The following GMPPA variants were observed in gnomAD, a reference collection of about 807,000 sequenced individuals.
GMPPA encodes the protein GDP-mannose pyrophosphorylase A, also known as mannose-1-phosphate guanylyltransferase regulatory subunit alpha.
A neutral mutation model predicts 58.6 loss-of-function variants in GMPPA; 46 were observed. That is an observed-to-expected ratio of 0.78 (90% confidence interval 0.62 to 1.00). The LOEUF (loss-of-function observed/expected upper bound fraction) is 1.00, where lower values mean the gene tolerates loss of function less well. Among genes scored for constraint, GMPPA ranks in the 50% least tolerant of loss-of-function variants. The pLI is 0.00. For missense variants in GMPPA, 468 were observed against 556.4 expected (o/e 0.84, Z 1.60); for synonymous variants, 211 against 214.9 (o/e 0.98, Z 0.16).
Position 219,504,142 on chromosome 2 carries a change from C to A in GMPPA, c.549C>A (p.Ile183=), listed in dbSNP as rs1014690130. 7 of 1,613,882 alleles carry A rather than the reference C, an allele frequency of 4.3e-6. No individual in the cohort carries two copies. The South Asian group carries it at 6.6e-5, about 15-fold the overall frequency. The change falls in exon 7 of 13, where the codon ATC becomes ATA. Residue 183 remains isoleucine, a synonymous_variant. Coordinates refer to ENST00000313597, the MANE Select transcript of GMPPA (RefSeq NM_013335.4). ...TFISDIINCG[I]YLFSPEALKP... The stretch of plus-strand genomic sequence containing the variant: ...TCAGTGACATCATCAACTGCGGCAT[C>A]TACCTCTTTTCTCCTGAAGCCTTGA...
In GMPPA at chr2:219,502,099, C is replaced by T. The variant is rs1694417384; in HGVS notation, c.429+62C>T. 6.4e-7 allele frequency: 1 copy of T among 1,566,206 alleles called. No homozygotes were observed. Among genetic ancestry groups the T allele is most frequent in the Non-Finnish European group, 8.7e-7 (1 of 1,143,824 alleles). ...GTGATCCCAAGAGCTTCCCGGAATT[C>T]AGGGTGTTGGGGAGGCAGGGGCGCC... On this transcript the variant is annotated intron_variant, in intron 5 of 12. Transcript: ENST00000313597. This position sits in a 1 kb window ranked among gnomAD's most constrained non-coding sequence, Gnocchi z 4.0.
At position 219,506,303 on chromosome 2, in the gene GMPPA, G is replaced by A; in HGVS notation, c.1043G>A (p.Gly348Glu). The A allele has an allele frequency of 6.2e-7, 1 of 1,613,860 alleles. No homozygotes were observed. The highest frequency in any genetic ancestry group is 8.5e-7 in the Non-Finnish European group (1 of 1,179,916). ...HSIVGWGSTV[G>E]RWARVEGTPS... ...ATCGTGGGCTGGGGGAGCACCGTGG[G>A]ACGCTGGGCCCGCGTGGAGGGTACC... The change falls in exon 12 of 13, where the codon GGA becomes GAA. Residue 348 changes from glycine (G) to glutamate (E), a missense_variant. Transcript: ENST00000313597.
rs1694520255 is a variant in GMPPA at position 219,504,836 on chromosome 2, T to C, written c.621-392T>C. 8 of 1,056,576 alleles carry C rather than the reference T, an allele frequency of 7.6e-6. No individual in the cohort carries two copies. The South Asian group carries it at 2.9e-4, about 39-fold the overall frequency. 65.5% of individuals were successfully genotyped at this position (1,056,576 alleles called of 1,614,324 possible). A position where few individuals can be genotyped will look rare whatever the true frequency, so the allele number is the denominator to read the frequency against. ...CTCTCTCTCCCTTTCTTTCTGTGACTGTCTCTGCCCTCACCAGCTGCCTTG... is the reference window on the plus strand; with the variant it reads ...CTCTCTCTCCCTTTCTTTCTGTGACCGTCTCTGCCCTCACCAGCTGCCTTG... On this transcript the variant is annotated intron_variant, in intron 7 of 12. Coordinates refer to ENST00000313597, the MANE Select transcript of GMPPA (RefSeq NM_013335.4).
chr2:219,502,537 C>A lies in GMPPA; in HGVS notation c.489+96C>A. The A allele has an allele frequency of 1.1e-6, 1 of 932,702 alleles. No individual in the cohort carries two copies. Among genetic ancestry groups the A allele is most frequent in the Non-Finnish European group, 1.7e-6 (1 of 578,000 alleles). 57.8% of individuals were successfully genotyped at this position (932,702 alleles called of 1,614,324 possible). A position where few individuals can be genotyped will look rare whatever the true frequency, so the allele number is the denominator to read the frequency against. ...GAATGCTGGCACAGTATGGGGTGGGCTCTAGTCTTGTCAGACAGGTGAGAC... is the reference window on the plus strand; with the variant it reads ...GAATGCTGGCACAGTATGGGGTGGGATCTAGTCTTGTCAGACAGGTGAGAC... On this transcript the variant is annotated intron_variant, in intron 6 of 12. Transcript: ENST00000313597. This position sits in a 1 kb window ranked among gnomAD's most constrained non-coding sequence, Gnocchi z 4.0.
intron 3 of GMPPA, chr2:219,501,233 AGCCTGG>A (rs1180740200): frequency 1.6e-4 from 75 of 476,440 alleles, no homozygotes; most frequent in Non-Finnish European, 9.9e-5. Context: ...ACTGCACTCC[AGCCTGG>A]GCAACAGAGC....
rs950811769 is a variant in GMPPA, at chr2:219,502,285, T to G, written c.430-97T>G. The G allele has an allele frequency of 1.8e-6, 2 of 1,095,550 alleles. No individual in the cohort carries two copies. Among genetic ancestry groups the G allele is most frequent in the African/African-American group, 3.1e-5 (2 of 64,734 alleles). The allele number at this position is 1,095,550 out of a possible 1,614,324, so 67.9% of individuals were successfully genotyped here. A position where few individuals can be genotyped will look rare whatever the true frequency, so the allele number is the denominator to read the frequency against. On this transcript the variant is annotated intron_variant, in intron 5 of 12. Coordinates refer to ENST00000313597, the MANE Select transcript of GMPPA (RefSeq NM_013335.4). This position sits in a 1 kb window ranked among gnomAD's most constrained non-coding sequence, Gnocchi z 4.0. The stretch of plus-strand genomic sequence containing the variant: ...GCTGAAGGCCTGTCAGTGGCAGAGC[T>G]GCATGCCAGGTGCTGTAGCGGAGGG...
chr2:219,506,160 A>G, intron 11 of GMPPA, 88 bp downstream of exon 11: 1 of 1,470,766 alleles, frequency 6.8e-7, no homozygotes, highest in South Asian at 1.2e-5. Context: ...AGAAGGGTGA[A>G]CGCCGTGGGC....
chr2:219,506,837 C>T lies in GMPPA; in HGVS notation c.*39C>T, dbSNP rs1559449771. ...AAGGCCCCCAGCTCCTACCCACTCCCCTTGAGGCTGCTGCCTGCTTGGCCA... is the reference window on the plus strand; with the variant it reads ...AAGGCCCCCAGCTCCTACCCACTCCTCTTGAGGCTGCTGCCTGCTTGGCCA... On this transcript the variant is annotated 3_prime_UTR_variant, in exon 13 of 13. Coordinates refer to ENST00000313597, the MANE Select transcript of GMPPA (RefSeq NM_013335.4). 1 of 955,752 alleles carries T rather than the reference C, an allele frequency of 1.0e-6. No homozygotes were observed. Among genetic ancestry groups the T allele is most frequent in the Non-Finnish European group, 1.7e-6 (1 of 583,268 alleles). The allele number at this position is 955,752 out of a possible 1,614,324, so 59.2% of individuals were successfully genotyped here. A position where few individuals can be genotyped will look rare whatever the true frequency, so the allele number is the denominator to read the frequency against.
At chr2:219,503,407 G>A (rs548855418) in intron 6 of GMPPA, among the ~76,000 whole-genome samples, 1 of 152,284 alleles carries the variant, frequency 6.6e-6, no homozygotes, top group African/African-American at 2.4e-5. Flanking sequence ...TTATAGGCAT[G>A]AGCCACCACC....
At position 219,506,262 on chromosome 2, in the gene GMPPA, G is replaced by T; in HGVS notation, c.1002G>T (p.Thr334=). ...VLHGATLQEH[T]CVLHSIVGWG... Reference sequence around the variant, plus strand: ...ACTGTCCTCTTTGGCAGGAGCACACGTGTGTTCTGCATAGCATCGTGGGCT... The same window carrying T: ...ACTGTCCTCTTTGGCAGGAGCACACTTGTGTTCTGCATAGCATCGTGGGCT... The change falls in exon 12 of 13, where the codon ACG becomes ACT. Residue 334 remains threonine, a synonymous_variant. Coordinates refer to ENST00000313597, the MANE Select transcript of GMPPA (RefSeq NM_013335.4). The T allele has an allele frequency of 5.6e-6, 9 of 1,610,568 alleles. No homozygotes were observed. The highest frequency in any genetic ancestry group is 7.6e-6 in the Non-Finnish European group (9 of 1,177,866).
In GMPPA at chr2:219,505,919, A is replaced by G; in HGVS notation, c.901-61A>G. 3 of 1,236,052 alleles carry G rather than the reference A, an allele frequency of 2.4e-6. No individual in the cohort carries two copies. The South Asian group carries it at 4.2e-5, about 17-fold the overall frequency. 76.6% of individuals were successfully genotyped at this position (1,236,052 alleles called of 1,614,324 possible). On this transcript the variant is annotated intron_variant, in intron 10 of 12. Transcript: ENST00000313597. ...TTATGCCTTATCTGTTCTAGAAGGG[A>G]GTTGGGTTTGGGGATCCTCCAAGTC...
At chr2:219,504,272 A>G (rs1325621984) in intron 7 of GMPPA, 59 bp downstream of exon 7, 3 of 1,534,478 alleles carry the variant, frequency 2.0e-6, no homozygotes, top group African/African-American at 1.4e-5. Flanking sequence ...ACCCCAACAC[A>G]TACCAGTCTC....
At chr2:219,504,815 C>T in intron 7 of GMPPA, 1 of 1,040,868 alleles carries the variant, frequency 9.6e-7, no homozygotes, top group Non-Finnish European at 1.2e-6. Context: ...TACCATCTCT[C>T]TCTCCCTTTC....
intron 6 of GMPPA, among the ~76,000 whole-genome samples, chr2:219,503,477 AACACGCACACACACATGCATGT>A (rs1694469870): frequency 6.6e-6 from 1 of 152,208 alleles, no homozygotes; most frequent in South Asian, 2.1e-4. Context: ...CATACATATA[AACACGCACACACACATGCATGT>A]ACACACCTAC....
rs1694546174 is a variant in GMPPA, at chr2:219,505,475, C to G, written c.773C>G (p.Ser258Cys). The change falls in exon 9 of 13, where the codon TCC (serine) becomes TGC (cysteine). Residue 258 changes from serine to cysteine, a missense_variant. Physicochemically the swap from Ser to Cys is moderately radical, Grantham distance 112 (BLOSUM62 -1). Transcript: ENST00000313597. The stretch of plus-strand genomic sequence containing the variant: ...GTCCCCAGTTCAGCCCTCTACGCCT[C>G]CCGCCTCTACCTGAGCCGATACCAG... ...IKSAGSALYA[S>C]RLYLSRYQDT... 5 of 1,573,880 alleles carry G rather than the reference C, an allele frequency of 3.2e-6. No individual in the cohort carries two copies. The highest frequency in any genetic ancestry group is 4.3e-6 in the Non-Finnish European group (5 of 1,158,372).
chr2:219,501,279 ACG>A (rs1694379694), intron 3 of GMPPA, 195 bp from the exon 4 acceptor site: 2 of 579,218 alleles, frequency 3.5e-6, no homozygotes, highest in South Asian at 4.3e-5. Context: ...ATAAAACAAA[ACG>A]AAAAAAGATC....
chr2:219,504,436 C>G, intron 7 of GMPPA: 1 of 579,534 alleles, frequency 1.7e-6, no homozygotes. Context: ...TGCCTGCCCA[C>G]TCCCCTTCTG....
At chr2:219,500,986 G>A (rs1348043681) in intron 3 of GMPPA, 7 of 155,724 alleles carry the variant, frequency 4.5e-5, no homozygotes, top group East Asian at 1.9e-4. Flanking sequence ...TTTTGAGGCC[G>A]AGTCAGGAGG....
At chr2:219,499,826 T>G in intron 1 of GMPPA, 130 bp from the exon 2 acceptor site, 2 of 720,972 alleles carry the variant, frequency 2.8e-6, no homozygotes, top group East Asian at 5.0e-5. Context: ...TTGTGAGGTG[T>G]TGGGTCCAGG....
Sources: allele counts gnomAD v4.1 joint callset (sites outside exome capture counted in the v4.1 genomes callset), GRCh38; gene constraint gnomAD v4.1.1; non-coding constraint Gnocchi (gnomAD v3.1); transcripts MANE v1.5; gene names NCBI Gene and HGNC (gene_info 2026-07-23, HGNC 2026-07-21).